KHDRBS3: variants seen among roughly 807,000 people sequenced by gnomAD.
KHDRBS3 encodes KH domain-containing, RNA-binding, signal transduction-associated protein 3.
In KHDRBS3, 23 loss-of-function variants were observed where a neutral mutation model predicts 45.6. The ratio of observed to expected loss-of-function variants is 0.50; its 90% CI spans 0.36 to 0.72. The LOEUF (loss-of-function observed/expected upper bound fraction) is 0.72. Among genes scored for constraint, KHDRBS3 ranks in the 30% least tolerant of loss-of-function variants. KHDRBS3 has a pLI of 0.00. For synonymous variants in KHDRBS3, 162 were observed against 156.5 expected (o/e 1.04, Z -0.26); for missense variants, 352 against 424.8 (o/e 0.83, Z 1.51).
chr8:135,639,385 G>A (rs1347244063), intron 7 of KHDRBS3, among the ~76,000 whole-genome samples: 2 of 152,186 alleles, frequency 1.3e-5, no homozygotes, highest in Non-Finnish European at 2.9e-5. Context: ...CCAGAAAGTT[G>A]AGAGGCCTGC....
At chr8:135,605,985 T>C (rs778746622) in intron 6 of KHDRBS3, among the ~76,000 whole-genome samples, 1 of 152,206 alleles carries the variant, frequency 6.6e-6, no homozygotes, top group African/African-American at 2.4e-5. Flanking sequence ...CATGGTTTCT[T>C]GTTTTTGTTG....
chr8:135,628,354 G>A (rs551015975), intron 7 of KHDRBS3, among the ~76,000 whole-genome samples: 5 of 152,194 alleles, frequency 3.3e-5, no homozygotes, highest in East Asian at 3.9e-4. Context: ...AACAGATGTC[G>A]AATGAAAAAG....
intron 2 of KHDRBS3, among the ~76,000 whole-genome samples, chr8:135,525,168 AT>A (rs1208874081): frequency 1.3e-5 from 2 of 152,068 alleles, no homozygotes; most frequent in South Asian, 2.1e-4. Context: ...GAATTTTGAT[AT>A]TTTTGTTTTA....
chr8:135,629,606 G>T (rs1427496292), intron 7 of KHDRBS3, among the ~76,000 whole-genome samples: 1 of 152,198 alleles, frequency 6.6e-6, no homozygotes, highest in East Asian at 1.9e-4. Context: ...ATTACTGCAT[G>T]CTAGGTCTCC....
intron 3 of KHDRBS3, among the ~76,000 whole-genome samples, chr8:135,548,526 AT>A (rs1826423580): frequency 6.6e-6 from 1 of 152,184 alleles, no homozygotes; most frequent in Admixed American, 6.5e-5. Flanking sequence ...GGAGTGGGAC[AT>A]TATTCCAGCA....
chr8:135,551,624 C>G (rs1826606823), intron 4 of KHDRBS3, among the ~76,000 whole-genome samples: 1 of 152,058 alleles, frequency 6.6e-6, no homozygotes, highest in East Asian at 1.9e-4. Flanking sequence ...GGCATGTAGT[C>G]TTCTTTATGT....
intron 5 of KHDRBS3, among the ~76,000 whole-genome samples, chr8:135,561,257 A>G (rs1312050178): frequency 1.3e-5 from 2 of 152,142 alleles, no homozygotes; most frequent in Admixed American, 1.3e-4. Flanking sequence ...ATTTTAACAA[A>G]CACTTATATT....
intron 1 of KHDRBS3, among the ~76,000 whole-genome samples, chr8:135,483,402 C>T (rs967811272): frequency 6.6e-5 from 10 of 152,142 alleles, no homozygotes; most frequent in Non-Finnish European, 1.3e-4. Context: ...TGGTTTGTAA[C>T]TGCCCATGCT....
intron 7 of KHDRBS3, among the ~76,000 whole-genome samples, chr8:135,633,082 G>T (rs1053458065): frequency 6.6e-6 from 1 of 152,072 alleles, no homozygotes; most frequent in East Asian, 1.9e-4. Context: ...ATCATGCGAC[G>T]TATTATTTAT....
In KHDRBS3 at chr8:135,485,169, C is replaced by A. The variant is rs181685635; in HGVS notation, c.88+27215C>A. Among the ~76,000 whole-genome samples, 52 of 145,092 alleles carry A rather than the reference C, an allele frequency of 3.6e-4. No homozygotes were observed. In the East Asian group the frequency reaches 9.6e-3, roughly 27 times the overall value. On this transcript the variant is annotated intron_variant, in intron 1 of 8. Transcript: ENST00000355849. ...CCATTTATCATGTCTGTCCCCACTA[C>A]AATATCAACTCTGTGTAAACAGCAC... is the stretch of plus-strand genomic sequence containing the variant.
intron 1 of KHDRBS3, among the ~76,000 whole-genome samples, chr8:135,499,367 G>A (rs1227264208): frequency 6.6e-6 from 1 of 152,222 alleles, no homozygotes; most frequent in Admixed American, 6.5e-5. Flanking sequence ...CTAAAGTTAC[G>A]CGGCTGCTAA....
chr8:135,532,487 G>C (rs749597826), intron 2 of KHDRBS3, among the ~76,000 whole-genome samples: 2 of 152,156 alleles, frequency 1.3e-5, no homozygotes, highest in South Asian at 2.1e-4. Context: ...AGAGGAGTGC[G>C]TGCTAATACA....
At chr8:135,539,028 G>C (rs1825917841) in intron 2 of KHDRBS3, 1 of 152,194 alleles carries the variant, frequency 6.6e-6, no homozygotes, top group Non-Finnish European at 1.5e-5. Flanking sequence ...AGTAATAAGA[G>C]CTTTAAGCCT....
Position 135,497,486 on chromosome 8 carries a change from C to T in KHDRBS3, c.89-23751C>T, listed in dbSNP as rs966471354. On this transcript the variant is annotated intron_variant, in intron 1 of 8. Coordinates refer to ENST00000355849, the MANE Select transcript of KHDRBS3 (RefSeq NM_006558.3). ...TTCTGCATGAATTCAGCCTTATTACCTTTTATCACAAGCATCACAAGCATC... is the reference window on the plus strand; with the variant it reads ...TTCTGCATGAATTCAGCCTTATTACTTTTTATCACAAGCATCACAAGCATC... 1.8e-4 allele frequency among the ~76,000 whole-genome samples: 28 copies of T among 152,168 alleles called. 1 individual carries two copies. The highest frequency in any genetic ancestry group is 1.8e-3 in the Admixed American group (28 of 15,276).
intron 7 of KHDRBS3, among the ~76,000 whole-genome samples, chr8:135,642,949 C>T (rs1380112233): frequency 6.6e-6 from 1 of 152,032 alleles, no homozygotes; most frequent in African/African-American, 2.4e-5. Context: ...TCACCACACC[C>T]AGCTAATTTT....
At chr8:135,642,653 CAG>C (rs1167532275) in intron 7 of KHDRBS3, among the ~76,000 whole-genome samples, 1 of 152,172 alleles carries the variant, frequency 6.6e-6, no homozygotes. Flanking sequence ...TTATTTTATA[CAG>C]AGAGCTCAAA....
At chr8:135,582,661 G>A (rs552024060) in intron 6 of KHDRBS3, among the ~76,000 whole-genome samples, 127 of 152,316 alleles carry the variant, frequency 8.3e-4, no homozygotes, top group African/African-American at 2.9e-3. Flanking sequence ...ATTCTTTGAT[G>A]TCCTCATTTA....
At chr8:135,510,666 G>T (rs183116501) in intron 1 of KHDRBS3, among the ~76,000 whole-genome samples, 2 of 152,136 alleles carry the variant, frequency 1.3e-5, no homozygotes, top group Non-Finnish European at 2.9e-5. Context: ...ATCTCCTGAC[G>T]TAATGACCCA....
intron 7 of KHDRBS3, among the ~76,000 whole-genome samples, chr8:135,624,304 A>G (rs1410202530): frequency 2.0e-5 from 3 of 152,222 alleles, no homozygotes; most frequent in Non-Finnish European, 4.4e-5. Context: ...GAGAAGAGAA[A>G]CATGGTAAAT....
Sources: allele counts gnomAD v4.1 joint callset (sites outside exome capture counted in the v4.1 genomes callset), GRCh38; gene constraint gnomAD v4.1.1; transcripts MANE v1.5; gene names NCBI Gene and HGNC (gene_info 2026-07-23, HGNC 2026-07-21).